Variants in SLC7A1 observed in about 807,000 individuals in gnomAD.
SLC7A1 encodes the protein solute carrier family 7 member 1.
SLC7A1 carries 10 observed loss-of-function variants against 53.9 expected under a neutral mutation model. That is an observed-to-expected ratio of 0.19 (90% CI 0.11 to 0.31). The LOEUF (loss-of-function observed/expected upper bound fraction) is 0.31, where lower values mean the gene tolerates loss of function less well. Among genes scored for constraint, SLC7A1 ranks in the 10% least tolerant of loss-of-function variants. The probability of loss-of-function intolerance (pLI) is 1.00; values close to 1 mark genes in which losing one functional copy is unlikely to be tolerated. For synonymous variants in SLC7A1, 342 were observed against 338.7 expected (o/e 1.01, Z -0.11); for missense variants, 525 against 827.2 (o/e 0.63, Z 4.48).
At chr13:29,588,874 G>A (rs985346646) in intron 1 of SLC7A1, among the ~76,000 whole-genome samples, 2 of 152,150 alleles carry the variant, frequency 1.3e-5, no homozygotes, top group African/African-American at 2.4e-5. Context: ...AAAAGGAGAA[G>A]GGCAAAAGGG....
chr13:29,569,049 C>T, intron 1 of SLC7A1, among the ~76,000 whole-genome samples: 1 of 152,198 alleles, frequency 6.6e-6, no homozygotes, highest in East Asian at 1.9e-4. Context: ...AAAATGTGGG[C>T]TGCACAACTC....
chr13:29,581,935 T>C (rs1871665102), intron 1 of SLC7A1, among the ~76,000 whole-genome samples: 1 of 152,214 alleles, frequency 6.6e-6, no homozygotes, highest in African/African-American at 2.4e-5. Context: ...AGGAATGGGA[T>C]TTTTCTTCTC....
Position 29,523,251 on chromosome 13 carries a change from A to G in SLC7A1, c.1049+15T>C, listed in dbSNP as rs1241916832. 1.9e-6 allele frequency: 3 copies of G among 1,608,856 alleles called. No individual in the cohort carries two copies. The highest frequency in any genetic ancestry group is 2.5e-6 in the Non-Finnish European group (3 of 1,177,052). Reference sequence around the variant, plus strand: ...TTCCACCCCTAGGAGCAGCCACCACAGAAAGGCCTCTCACCTGGCGGAAAG... The same window carrying G: ...TTCCACCCCTAGGAGCAGCCACCACGGAAAGGCCTCTCACCTGGCGGAAAG... On this transcript the variant is annotated intron_variant, in intron 7 of 12. Coordinates refer to ENST00000380752, the MANE Select transcript of SLC7A1 (RefSeq NM_003045.5).
intron 8 of SLC7A1, among the ~76,000 whole-genome samples, chr13:29,520,840 C>T (rs749824349): frequency 6.6e-6 from 1 of 152,290 alleles, no homozygotes; most frequent in Admixed American, 6.5e-5. Context: ...CCACAAATGC[C>T]GATGTTCCTA....
intron 1 of SLC7A1, among the ~76,000 whole-genome samples, chr13:29,591,971 T>C (rs1203997950): frequency 2.6e-5 from 4 of 152,178 alleles, no homozygotes; most frequent in Admixed American, 6.5e-5. Flanking sequence ...GCTTCCTAAC[T>C]TCACTACTGT....
intron 5 of SLC7A1, 123 bp from the exon 6 acceptor site, chr13:29,524,376 G>T: frequency 2.4e-6 from 3 of 1,269,376 alleles, no homozygotes; most frequent in Non-Finnish European, 3.3e-6. Context: ...CCGCTGCCAG[G>T]CCCTGGGCTT....
intron 2 of SLC7A1, among the ~76,000 whole-genome samples, chr13:29,546,263 C>T (rs1417804084): frequency 6.6e-6 from 1 of 152,198 alleles, no homozygotes; most frequent in Non-Finnish European, 1.5e-5. Context: ...GCACTGCATT[C>T]GGGCCTTGGA....
chr13:29,582,069 C>T (rs1308450120), intron 1 of SLC7A1, among the ~76,000 whole-genome samples: 1 of 152,234 alleles, frequency 6.6e-6, no homozygotes, highest in African/African-American at 2.4e-5. Context: ...TTAATATAAC[C>T]TACAAGAGGG....
chr13:29,520,366 G>A (rs1868583803), intron 8 of SLC7A1, among the ~76,000 whole-genome samples: 2 of 152,110 alleles, frequency 1.3e-5, no homozygotes, highest in South Asian at 4.2e-4. Context: ...TGGTGCTCTG[G>A]GAGGACTCAC....
chr13:29,546,532 C>G (rs905757977), intron 2 of SLC7A1, among the ~76,000 whole-genome samples: 1 of 152,286 alleles, frequency 6.6e-6, no homozygotes, highest in South Asian at 2.1e-4. Context: ...GCCAACCTAA[C>G]TTAATTTTCA....
chr13:29,590,393 CACATACACATACACATAA>C (rs1872062143), intron 1 of SLC7A1, among the ~76,000 whole-genome samples: 1 of 152,170 alleles, frequency 6.6e-6, no homozygotes, highest in Non-Finnish European at 1.5e-5. Flanking sequence ...TATACACATA[CACATACACATACACATAA>C]ACATACACAT....
intron 2 of SLC7A1, among the ~76,000 whole-genome samples, chr13:29,548,187 C>T (rs184502694): frequency 6.6e-6 from 1 of 152,340 alleles, no homozygotes; most frequent in East Asian, 1.9e-4. Context: ...CCCTCTCTCA[C>T]CCGATAGCCT....
Position 29,523,385 on chromosome 13 carries a change from G to A in SLC7A1, c.930C>T (p.Leu310=). The change falls in exon 7 of 13, where the codon CTC becomes CTT. Residue 310 remains leucine (L), a synonymous_variant. Coordinates refer to ENST00000380752, the MANE Select transcript of SLC7A1 (RefSeq NM_003045.5). ...AYFGVSAALT[L]MMPYFCLDNN... is the part of the protein sequence containing the mutation. ...TGTCCAGGCAGAAGTAGGGCATCAT[G>A]AGCGTGAGGGCAGCCGACACCCCAA... The A allele has an allele frequency of 1.2e-6, 2 of 1,613,844 alleles. No homozygotes were observed. The highest frequency in any genetic ancestry group is 2.2e-5 in the East Asian group (1 of 44,840).
chr13:29,572,893 C>A (rs1279131720), intron 1 of SLC7A1, among the ~76,000 whole-genome samples: 1 of 152,120 alleles, frequency 6.6e-6, no homozygotes, highest in Non-Finnish European at 1.5e-5. Context: ...TCTAAAGCTG[C>A]ACAATTTGAT....
At chr13:29,536,640 A>C (rs1326174926) in intron 2 of SLC7A1, among the ~76,000 whole-genome samples, 1 of 150,522 alleles carries the variant, frequency 6.6e-6, no homozygotes, top group East Asian at 1.9e-4. Flanking sequence ...TTCATTACTA[A>C]ATTAAATTAT....
At position 29,523,427 on chromosome 13, in the gene SLC7A1, G is replaced by C; in HGVS notation, c.888C>G (p.Ile296Met). Residue 296 changes from isoleucine (I) to methionine (M), a missense_variant, in exon 7 of 13, where the codon ATC (isoleucine) becomes ATG (methionine). This residue lies in a region of SLC7A1 where 354 missense variants were observed against 587.5 expected (regional missense o/e 0.60). Coordinates refer to ENST00000380752, the MANE Select transcript of SLC7A1 (RefSeq NM_003045.5). ...IPVGIVASLL[I>M]CFIAYFGVSA... ...ACACCCCAAAGTAGGCGATGAAGCAGATCAAGAGGGACGCCACGATCCCCA... is the reference window on the plus strand; with the variant it reads ...ACACCCCAAAGTAGGCGATGAAGCACATCAAGAGGGACGCCACGATCCCCA... The C allele has an allele frequency of 6.2e-7, 1 of 1,614,020 alleles. No individual in the cohort carries two copies. The highest frequency in any genetic ancestry group is 1.1e-5 in the South Asian group (1 of 91,078).
intron 11 of SLC7A1, 128 bp from the exon 12 acceptor site, chr13:29,516,374 A>C: frequency 1.6e-6 from 1 of 640,602 alleles, no homozygotes; most frequent in South Asian, 1.9e-5. Context: ...GGGAAGAGAG[A>C]GGGAGTGCCC....
At chr13:29,548,646 G>C (rs1178627664) in intron 2 of SLC7A1, among the ~76,000 whole-genome samples, 2 of 152,260 alleles carry the variant, frequency 1.3e-5, no homozygotes, top group African/African-American at 4.8e-5. Flanking sequence ...AGGACTTCCA[G>C]CTTCTCAAGG....
At chr13:29,519,247 G>A (rs540279061) in intron 9 of SLC7A1, among the ~76,000 whole-genome samples, 200 bp downstream of exon 9, 1 of 152,298 alleles carries the variant, frequency 6.6e-6, no homozygotes, top group African/African-American at 2.4e-5. Context: ...ATAGAGGGGG[G>A]TGAGGGGCCA....
Sources: allele counts gnomAD v4.1 joint callset (sites outside exome capture counted in the v4.1 genomes callset), GRCh38; gene constraint gnomAD v4.1.1; regional missense constraint gnomAD v4.1.1; transcripts MANE v1.5; gene names NCBI Gene and HGNC (gene_info 2026-07-23, HGNC 2026-07-21).